Variants in VNN1 observed in about 807,000 individuals in gnomAD.
The protein encoded by VNN1 is vanin 1.
VNN1 carries 29 observed loss-of-function variants against 41.9 expected under a neutral mutation model. The ratio of observed to expected loss-of-function variants is 0.69; its 90% CI spans 0.52 to 0.94. VNN1 has a LOEUF of 0.94. VNN1 is among the 40% of genes least tolerant of loss of function. VNN1 has a pLI of 0.00. For synonymous variants in VNN1, 233 were observed against 224.4 expected, an observed-to-expected ratio of 1.04 and a Z score of -0.34; for missense variants, 637 against 621.1, an observed-to-expected ratio of 1.03 and a Z score of -0.27.
chr6:132,690,962 C>A (rs1778273304), intron 5 of VNN1, among the ~76,000 whole-genome samples: 1 of 152,138 alleles, frequency 6.6e-6, no homozygotes, highest in African/African-American at 2.4e-5. Flanking sequence ...ACGATAACAC[C>A]AGAAAAGTGC....
chr6:132,698,078 C>G (rs998590429), intron 2 of VNN1, among the ~76,000 whole-genome samples: 10 of 152,160 alleles, frequency 6.6e-5, no homozygotes, highest in African/African-American at 2.4e-4. Context: ...TAAAATGCTC[C>G]AAAATTAGAC....
At position 132,712,941 on chromosome 6, in the gene VNN1, C is replaced by T. The variant is rs577113975; in HGVS notation, c.210+885G>A. ...CCTGAGGTCAGGAGTTCAAGTACAG[C>T]GTGGGCAACATGGCAAAATCCCATC... is the stretch of plus-strand genomic sequence containing the variant. On this transcript the variant is annotated intron_variant, in intron 1 of 6. Coordinates refer to ENST00000367928, the MANE Select transcript of VNN1 (RefSeq NM_004666.3). Among the ~76,000 whole-genome samples, 12 of 152,266 alleles carry T rather than the reference C, an allele frequency of 7.9e-5. No individual in the cohort carries two copies. The South Asian group carries it at 2.1e-3, about 26-fold the overall frequency.
intron 1 of VNN1, among the ~76,000 whole-genome samples, chr6:132,712,972 A>C (rs765446686): frequency 5.9e-4 from 89 of 152,090 alleles, no homozygotes; most frequent in Non-Finnish European, 1.1e-3. Flanking sequence ...CCATCTCTAC[A>C]AAAAATACAA....
chr6:132,690,720 G>A (rs554221813), intron 5 of VNN1, among the ~76,000 whole-genome samples: 3 of 152,120 alleles, frequency 2.0e-5, no homozygotes, highest in South Asian at 2.1e-4. Flanking sequence ...TTGCTAAAAC[G>A]AAAAAGTATT....
intron 2 of VNN1, among the ~76,000 whole-genome samples, chr6:132,704,844 G>A (rs907809712): frequency 6.6e-6 from 1 of 151,770 alleles, no homozygotes; most frequent in Admixed American, 6.6e-5. Context: ...GATGAAAAAT[G>A]AGACATTATA....
intron 3 of VNN1, among the ~76,000 whole-genome samples, chr6:132,693,757 C>T (rs186001412): frequency 6.6e-5 from 10 of 152,196 alleles, no homozygotes; most frequent in South Asian, 6.2e-4. Context: ...ATAATGCATG[C>T]GGCACTTTCT....
At chr6:132,703,303 T>C (rs1028404001) in intron 2 of VNN1, among the ~76,000 whole-genome samples, 3 of 152,100 alleles carry the variant, frequency 2.0e-5, no homozygotes, top group Non-Finnish European at 4.4e-5. Context: ...ATATCTTGAG[T>C]AGAAAAACTA....
intron 5 of VNN1, among the ~76,000 whole-genome samples, chr6:132,685,136 T>A (rs1410289998): frequency 6.6e-6 from 1 of 152,232 alleles, no homozygotes; most frequent in Non-Finnish European, 1.5e-5. Flanking sequence ...ACCCCTGTAA[T>A]CTGGAAAAGT....
In VNN1 at chr6:132,692,415, T is replaced by C; in HGVS notation, c.996A>G (p.Glu332=). The change falls in exon 5 of 7, where the codon GAA becomes GAG. Residue 332 remains glutamate (E), a synonymous_variant. Coordinates refer to ENST00000367928, the MANE Select transcript of VNN1 (RefSeq NM_004666.3). ...CATCGAAAAAGACAGTGCCTTTAAA[T>C]TCCTTGTTTCCTGATGAGAGCGCTT... is the stretch of plus-strand genomic sequence containing the variant. ...SIEALSSGNK[E]FKGTVFFDEF... 6.2e-7 allele frequency: 1 copy of C among 1,614,168 alleles called. No homozygotes were observed. Among genetic ancestry groups the C allele is most frequent in the Middle Eastern group, 1.6e-4 (1 of 6,062 alleles).
rs116750777 is a variant in VNN1 at position 132,704,281 on chromosome 6, T to A, written c.341+7428A>T. ...AACATTCTTCTCCCCAGCACATGGA[T>A]CATTCTCAAGGAGAGACCATATGTT... is the stretch of plus-strand genomic sequence containing the variant. On this transcript the variant is annotated intron_variant, in intron 2 of 6. Coordinates refer to ENST00000367928, the MANE Select transcript of VNN1 (RefSeq NM_004666.3). Among the ~76,000 whole-genome samples, 422 of 152,184 alleles carry A rather than the reference T, an allele frequency of 2.8e-3. 2 individuals are homozygous for A. The highest frequency in any genetic ancestry group is 9.3e-3 in the African/African-American group (387 of 41,534).
intron 5 of VNN1, among the ~76,000 whole-genome samples, chr6:132,690,646 C>T (rs1778269628): frequency 6.6e-6 from 1 of 152,208 alleles, no homozygotes; most frequent in Non-Finnish European, 1.5e-5. Flanking sequence ...AGAGGAGGAT[C>T]TATGCTTATT....
At chr6:132,695,930 CA>C (rs1016284609) in intron 2 of VNN1, among the ~76,000 whole-genome samples, 1 of 151,842 alleles carries the variant, frequency 6.6e-6, no homozygotes, top group Non-Finnish European at 1.5e-5. Flanking sequence ...AGTTATCAAC[CA>C]AAAAAATCAC....
chr6:132,702,526 A>G (rs1293972933), intron 2 of VNN1, among the ~76,000 whole-genome samples: 3 of 152,130 alleles, frequency 2.0e-5, no homozygotes, highest in Non-Finnish European at 2.9e-5. Flanking sequence ...ACCTAGTGAG[A>G]CACCAGCTGG....
At chr6:132,686,120 A>G (rs1240476480) in intron 5 of VNN1, among the ~76,000 whole-genome samples, 2 of 152,194 alleles carry the variant, frequency 1.3e-5, no homozygotes, top group Non-Finnish European at 2.9e-5. Context: ...TGTCTTAAAT[A>G]TTGAATGGGA....
chr6:132,713,552 C>A (rs553728031), intron 1 of VNN1, among the ~76,000 whole-genome samples: 1 of 152,312 alleles, frequency 6.6e-6, no homozygotes, highest in Non-Finnish European at 1.5e-5. Flanking sequence ...AAAAGGGGAA[C>A]AAAGATGTTG....
intron 5 of VNN1, among the ~76,000 whole-genome samples, chr6:132,690,345 C>A (rs1225958528): frequency 2.0e-5 from 3 of 152,130 alleles, no homozygotes; most frequent in Non-Finnish European, 2.9e-5. Context: ...GCAAGCCATG[C>A]CTCAGTTGCC....
In VNN1 at chr6:132,692,393, C is replaced by A. The variant is rs540401323; in HGVS notation, c.1018G>T (p.Asp340Tyr). The A allele has an allele frequency of 6.2e-7, 1 of 1,614,052 alleles. No homozygotes were observed. The highest frequency in any genetic ancestry group is 1.1e-5 in the South Asian group (1 of 91,070). The change falls in exon 5 of 7, where the codon GAT becomes TAT. Residue 340 changes from aspartate (D) to tyrosine (Y), a missense_variant. Asp to Tyr is a radical substitution (Grantham distance 160). Transcript: ENST00000367928. ...GTGAGCTTCACAAAAGTGAATTCAT[C>A]GAAAAAGACAGTGCCTTTAAATTCC... ...NKEFKGTVFF[D>Y]EFTFVKLTGV...
At chr6:132,703,464 T>C (rs1778476031) in intron 2 of VNN1, among the ~76,000 whole-genome samples, 1 of 152,204 alleles carries the variant, frequency 6.6e-6, no homozygotes, top group Non-Finnish European at 1.5e-5. Flanking sequence ...TGTTAGTTTA[T>C]ACAATCAATG....
intron 2 of VNN1, among the ~76,000 whole-genome samples, chr6:132,705,624 C>T (rs1197482195): frequency 6.6e-6 from 1 of 152,102 alleles, no homozygotes; most frequent in Non-Finnish European, 1.5e-5. Flanking sequence ...CAAGAATGTC[C>T]ATTTTCACCA....
Sources: allele counts gnomAD v4.1 joint callset (sites outside exome capture counted in the v4.1 genomes callset), GRCh38; gene constraint gnomAD v4.1.1; transcripts MANE v1.5; gene names NCBI Gene and HGNC (gene_info 2026-07-23, HGNC 2026-07-21).